LIN52: variants seen among roughly 807,000 people sequenced by gnomAD.
LIN52 encodes the protein lin-52 DREAM MuvB core complex component, also known as protein lin-52 homolog.
In LIN52, 4 loss-of-function variants were observed where a neutral mutation model predicts 18.5. The ratio of observed to expected loss-of-function variants is 0.22; its 90% CI spans 0.11 to 0.49. The LOEUF (loss-of-function observed/expected upper bound fraction) is 0.49. LIN52 is among the 20% of genes least tolerant of loss of function. The probability of loss-of-function intolerance (pLI) is 0.97; values close to 1 mark genes in which losing one functional copy is unlikely to be tolerated. For missense variants in LIN52, 102 were observed against 139.5 expected (o/e 0.73, Z 1.35); for synonymous variants, 34 against 45.5 (o/e 0.75, Z 1.02).
At chr14:74,130,279 T>TTTTTTTTTTTG (rs1566856501) in intron 5 of LIN52, among the ~76,000 whole-genome samples, 5 of 58,684 alleles carry the variant, frequency 8.5e-5, no homozygotes, top group East Asian at 7.8e-4. Flanking sequence ...CATTTTTTGG[T>TTTTTTTTTTTG]TTTTTTTTTT....
intron 5 of LIN52, among the ~76,000 whole-genome samples, chr14:74,152,290 AATGGTG>A (rs1404335398): frequency 1.3e-5 from 2 of 151,196 alleles, no homozygotes; most frequent in African/African-American, 4.9e-5. Flanking sequence ...ATGCTGTGTT[AATGGTG>A]ATGGACTCTA....
At chr14:74,118,516 G>T (rs1482722137) in intron 5 of LIN52, among the ~76,000 whole-genome samples, 1 of 152,210 alleles carries the variant, frequency 6.6e-6, no homozygotes, top group Non-Finnish European at 1.5e-5. Flanking sequence ...GCTCATGCCT[G>T]TGATCCCAGC....
intron 5 of LIN52, among the ~76,000 whole-genome samples, chr14:74,107,540 A>C (rs1187895002): frequency 6.6e-6 from 1 of 152,166 alleles, no homozygotes; most frequent in East Asian, 1.9e-4. Context: ...CCCCTAGAGC[A>C]GTTTGTTTGT....
In LIN52 at chr14:74,091,235, C is replaced by A. The variant is rs763596450; in HGVS notation, c.23C>A (p.Thr8Lys). The change falls in exon 2 of 6, where the codon ACA (threonine) becomes AAA (lysine). Residue 8 changes from threonine to lysine, a missense_variant. Transcript: ENST00000555028. ...TCATCTGGATGTTTTGTTCTAGGGA[C>A]AGATCTGGAAGCATCTTTGCTAAGT... Reference protein sequence around the residue: MASPTDGTDLEASLLSFE... With the variant: MASPTDGKDLEASLLSFE... The A allele has an allele frequency of 6.2e-7, 1 of 1,607,502 alleles. No individual in the cohort carries two copies. Among genetic ancestry groups the A allele is most frequent in the Non-Finnish European group, 8.5e-7 (1 of 1,174,622 alleles).
intron 4 of LIN52, among the ~76,000 whole-genome samples, chr14:74,100,710 G>A (rs1424987057): frequency 2.0e-5 from 3 of 152,162 alleles, no homozygotes; most frequent in Middle Eastern, 3.4e-3. Flanking sequence ...CCCTGACCTC[G>A]GGTGATCTGC....
chr14:74,098,827 C>G (rs938201776), intron 4 of LIN52, among the ~76,000 whole-genome samples: 3 of 152,164 alleles, frequency 2.0e-5, no homozygotes, highest in African/African-American at 4.8e-5. Context: ...GGATTACAGG[C>G]GTGAGCCACC....
chr14:74,174,947 C>T (rs1274892938), intron 5 of LIN52, among the ~76,000 whole-genome samples: 1 of 150,574 alleles, frequency 6.6e-6, no homozygotes, highest in Admixed American at 6.7e-5. Context: ...TAACGGAGGT[C>T]GAGGCTGCAG....
intron 5 of LIN52, among the ~76,000 whole-genome samples, chr14:74,142,852 T>C (rs2061137536): frequency 6.9e-6 from 1 of 145,542 alleles, no homozygotes; most frequent in Admixed American, 6.7e-5. Flanking sequence ...TATGTTATGT[T>C]AGGCTTGTGG....
At chr14:74,195,336 A>G (rs1490252848) in intron 5 of LIN52, among the ~76,000 whole-genome samples, 1 of 152,180 alleles carries the variant, frequency 6.6e-6, no homozygotes, top group African/African-American at 2.4e-5. Flanking sequence ...CATTCATCCT[A>G]GAATTATACC....
intron 3 of LIN52, among the ~76,000 whole-genome samples, chr14:74,096,745 A>T (rs188539440): frequency 1.8e-4 from 27 of 152,212 alleles, no homozygotes; most frequent in African/African-American, 6.5e-4. Flanking sequence ...ACCAAGAAAA[A>T]AATTAATTAA....
At chr14:74,181,764 CAA>C (rs1003734551) in intron 5 of LIN52, among the ~76,000 whole-genome samples, 2 of 152,078 alleles carry the variant, frequency 1.3e-5, no homozygotes, top group African/African-American at 4.8e-5. Flanking sequence ...ACATCAATAT[CAA>C]ATATTCTGAA....
chr14:74,116,846 C>A (rs35033542), intron 5 of LIN52, among the ~76,000 whole-genome samples: 16,500 of 95,554 alleles, frequency 0.17, 1,194 homozygotes, highest in Admixed American at 0.28. Context: ...TTTTTTTTTT[C>A]TTTTGAGAGC....
At chr14:74,160,984 G>T (rs1314455850) in intron 5 of LIN52, among the ~76,000 whole-genome samples, 2 of 152,152 alleles carry the variant, frequency 1.3e-5, no homozygotes, top group Admixed American at 6.5e-5. Flanking sequence ...TACAGAACTT[G>T]CTTTGACATA....
At chr14:74,157,079 C>G (rs2061202488) in intron 5 of LIN52, among the ~76,000 whole-genome samples, 1 of 146,086 alleles carries the variant, frequency 6.8e-6, no homozygotes, top group African/African-American at 2.5e-5. Context: ...GTCACCTAGG[C>G]TGGAGTGCAG....
At position 74,097,425 on chromosome 14, in the gene LIN52, C is replaced by CTT. The variant is rs35249058; in HGVS notation, c.133-352_133-351dup. Among the ~76,000 whole-genome samples, 692 of 133,526 alleles carry CTT rather than the reference C, an allele frequency of 5.2e-3. 14 individuals are homozygous for CTT. The highest frequency in any genetic ancestry group is 0.048 in the East Asian group (222 of 4,646). The allele number at this position is 133,526 out of a possible 152,430, so 87.6% of individuals were successfully genotyped here. Reference sequence around the variant, plus strand: ...GTGACAAGCTGCATTTTTTCTTTTTCTTTTTTTTTTTTTTTTTTGAGACAG... The same window carrying CTT: ...GTGACAAGCTGCATTTTTTCTTTTTCTTTTTTTTTTTTTTTTTTTTGAGACAG... On this transcript the variant is annotated intron_variant, in intron 3 of 5. Coordinates refer to ENST00000555028, the MANE Select transcript of LIN52 (RefSeq NM_001024674.3).
intron 5 of LIN52, among the ~76,000 whole-genome samples, chr14:74,129,902 G>A (rs1595167700): frequency 6.6e-6 from 1 of 152,170 alleles, no homozygotes; most frequent in East Asian, 1.9e-4. Context: ...AAGAAAAAGA[G>A]GTTTAATGGA....
intron 5 of LIN52, among the ~76,000 whole-genome samples, chr14:74,156,598 G>A (rs888795474): frequency 1.3e-5 from 2 of 152,148 alleles, no homozygotes; most frequent in Middle Eastern, 3.2e-3. Context: ...TCAAATCAGG[G>A]TAACTAGTAT....
chr14:74,152,061 G>A (rs1052188548), intron 5 of LIN52, among the ~76,000 whole-genome samples: 1 of 151,976 alleles, frequency 6.6e-6, no homozygotes, highest in South Asian at 2.1e-4. Flanking sequence ...TCAGGACTTC[G>A]GGACCAGCCT....
At chr14:74,131,377 G>GT (rs1039398895) in intron 5 of LIN52, among the ~76,000 whole-genome samples, 1 of 150,714 alleles carries the variant, frequency 6.6e-6, no homozygotes, top group African/African-American at 2.4e-5. Context: ...GGAGTGCAGT[G>GT]GCATGATCTC....
Sources: gnomAD v4.1 joint callset for allele counts (sites outside exome capture counted in the v4.1 genomes callset) on GRCh38, gnomAD v4.1.1 for gene constraint, MANE v1.5 for transcripts, NCBI Gene and HGNC (gene_info 2026-07-23, HGNC 2026-07-21) for gene names.